Variants in DSC3 observed in about 807,000 individuals in gnomAD.
DSC3 encodes the protein desmocollin 3.
DSC3 carries 97 observed loss-of-function variants against 89.5 expected under a neutral mutation model. The observed-to-expected ratio is 1.08, with a 90% CI of 0.92 to 1.28. DSC3 has a LOEUF of 1.28. Ranked by LOEUF, DSC3 falls within the 50% of genes most tolerant of loss-of-function variation. DSC3 has a pLI of 0.00. For synonymous variants in DSC3, 436 were observed against 384.1 expected (o/e 1.14, Z -1.58); for missense variants, 1,199 against 1,085.3 (o/e 1.10, Z -1.47).
intron 12 of DSC3, 104 bp downstream of exon 12, chr18:31,006,803 G>T: frequency 1.1e-6 from 1 of 893,998 alleles, no homozygotes; most frequent in South Asian, 1.5e-5. Context: ...ATATATTAAT[G>T]AGACTCAGTT....
rs1315710170 is a variant in DSC3, at chr18:31,042,718, C to T, written c.-58G>A. Reference sequence around the variant, plus strand: ...CGCCGGGAGGGTGCCGAGAGCGAGACCTGCCGAGGTGCAGGGCGCGGGAGG... The same window carrying T: ...CGCCGGGAGGGTGCCGAGAGCGAGATCTGCCGAGGTGCAGGGCGCGGGAGG... On this transcript the variant is annotated 5_prime_UTR_variant, in exon 1 of 16. Transcript: ENST00000360428. 60 of 1,492,204 alleles carry T rather than the reference C, an allele frequency of 4.0e-5. No individual in the cohort carries two copies. Among genetic ancestry groups the T allele is most frequent in the Non-Finnish European group, 5.2e-5 (57 of 1,101,528 alleles). The allele number at this position is 1,492,204 out of a possible 1,614,324, so 92.4% of individuals were successfully genotyped here.
intron 5 of DSC3, 62 bp downstream of exon 5, chr18:31,025,698 G>T: frequency 6.6e-7 from 1 of 1,519,586 alleles, no homozygotes; most frequent in Non-Finnish European, 9.1e-7. Flanking sequence ...AGTAGCTGGA[G>T]TAAGCATCAG....
intron 15 of DSC3, among the ~76,000 whole-genome samples, chr18:30,996,495 C>A (rs1364725412): frequency 6.6e-6 from 1 of 151,950 alleles, no homozygotes; most frequent in Non-Finnish European, 1.5e-5. Flanking sequence ...CTTTCACGAT[C>A]TTCTATATCA....
Position 31,038,312 on chromosome 18 carries a change from C to T in DSC3, c.69+4280G>A, listed in dbSNP as rs772631993. 2.5e-4 allele frequency among the ~76,000 whole-genome samples: 38 copies of T among 152,154 alleles called. No homozygotes were observed. The Middle Eastern group carries it at 0.02, about 82-fold the overall frequency. On this transcript the variant is annotated intron_variant, in intron 1 of 15. Transcript: ENST00000360428. The stretch of plus-strand genomic sequence containing the variant: ...TCTGAAAGAAATAACTTATCACAAA[C>T]CTGGGCCTGGTGGATCTAAAGAAGT...
In DSC3 at chr18:31,004,264, A is replaced by T; in HGVS notation, c.1991T>A (p.Leu664Ter). The T allele has an allele frequency of 1.9e-6, 3 of 1,613,740 alleles. No individual in the cohort carries two copies. In the South Asian group the frequency reaches 3.3e-5, roughly 18 times the overall value. ...AGTACATTCACACAGATTAACTCTC[A>T]ATAATTTTGTTGCAGCTTGGCCGGC... ...DRAGQAATKL[L>*]RVNLCECTHP... The change falls in exon 13 of 16, where the codon TTG becomes TAG. Residue 664 changes from leucine (L) to a stop codon, truncating the protein, a stop_gained. Transcript: ENST00000360428. LOFTEE classifies it high-confidence loss of function.
chr18:31,031,018 T>C lies in DSC3; in HGVS notation c.309A>G (p.Lys103=), dbSNP rs1985768327. 1 of 1,614,110 alleles carries C rather than the reference T, an allele frequency of 6.2e-7. No homozygotes were observed. ...SFTIWLSDKR[K]QTQKEVTVLL... Reference sequence around the variant, plus strand: ...GCACAGTAACCTCTTTCTGTGTCTGTTTCCTTTTGTCAGAAAGCCATATGG... The same window carrying C: ...GCACAGTAACCTCTTTCTGTGTCTGCTTCCTTTTGTCAGAAAGCCATATGG... Residue 103 remains lysine (K), a synonymous_variant, in exon 3 of 16, where the codon AAA becomes AAG. Coordinates refer to ENST00000360428, the MANE Select transcript of DSC3 (RefSeq NM_001941.5).
In DSC3 at chr18:30,995,993, A is replaced by AG. The variant is rs1555631954; in HGVS notation, c.2493+797_2493+798insC. 4.2e-5 allele frequency among the ~76,000 whole-genome samples: 6 copies of AG among 142,562 alleles called. 1 individual carries two copies. The highest frequency in any genetic ancestry group is 1.1e-4 in the African/African-American group (4 of 37,154). The allele number at this position is 142,562 out of a possible 152,430, so 93.5% of individuals were successfully genotyped here. ...CCTTAAAAAAAAAAAAAAAAAAAAA[A>AG]AAAAAAGAAAAGAAAGAAAAAAGCT... On this transcript the variant is annotated intron_variant, in intron 15 of 15. Transcript: ENST00000360428.
chr18:31,037,561 T>G (rs981620307), intron 1 of DSC3, among the ~76,000 whole-genome samples: 4 of 152,180 alleles, frequency 2.6e-5, no homozygotes, highest in African/African-American at 9.6e-5. Context: ...CCTTGTAACA[T>G]TCATTCATTC....
At chr18:31,012,980 G>T (rs1033770235) in intron 9 of DSC3, among the ~76,000 whole-genome samples, 8 of 152,048 alleles carry the variant, frequency 5.3e-5, no homozygotes, top group African/African-American at 1.9e-4. Context: ...CTTAGGAGCT[G>T]ATTTGAAAGT....
At chr18:31,022,932 T>C (rs1466350874) in intron 6 of DSC3, among the ~76,000 whole-genome samples, 4 of 152,218 alleles carry the variant, frequency 2.6e-5, no homozygotes, top group Non-Finnish European at 5.9e-5. Context: ...ATAATATAGA[T>C]GATCAAGTTG....
At chr18:31,000,946 G>T (rs1984630515) in intron 14 of DSC3, among the ~76,000 whole-genome samples, 1 of 151,046 alleles carries the variant, frequency 6.6e-6, no homozygotes, top group Non-Finnish European at 1.5e-5. Flanking sequence ...ATCTTTTTGA[G>T]GTAAGAACAT....
At chr18:31,005,522 G>A (rs1456648098) in intron 12 of DSC3, among the ~76,000 whole-genome samples, 2 of 152,262 alleles carry the variant, frequency 1.3e-5, no homozygotes, top group South Asian at 2.1e-4. Flanking sequence ...ACCACCAGAT[G>A]CTACCCTTCC....
At chr18:31,002,529 C>A (rs996460356) in intron 13 of DSC3, among the ~76,000 whole-genome samples, 1 of 151,676 alleles carries the variant, frequency 6.6e-6, no homozygotes, top group Non-Finnish European at 1.5e-5. Flanking sequence ...GGAGAAACCC[C>A]GTCTCTACTA....
chr18:31,018,005 T>G, intron 9 of DSC3, 66 bp downstream of exon 9: 1 of 1,366,628 alleles, frequency 7.3e-7, no homozygotes, highest in Non-Finnish European at 1.0e-6. Flanking sequence ...AACTATTTAG[T>G]TGATTAAATT....
At chr18:30,999,337 C>A in intron 14 of DSC3, among the ~76,000 whole-genome samples, 1 of 151,462 alleles carries the variant, frequency 6.6e-6, no homozygotes. Context: ...GTCGCATTGC[C>A]TTAGAAAAAA....
At chr18:31,002,797 G>A (rs1401373760) in intron 13 of DSC3, among the ~76,000 whole-genome samples, 2 of 151,744 alleles carry the variant, frequency 1.3e-5, no homozygotes, top group Admixed American at 6.6e-5. Context: ...ACACAGTAAA[G>A]CCCATAATTC....
intron 14 of DSC3, among the ~76,000 whole-genome samples, chr18:31,001,092 T>TATATATATATATATAG (rs1984642638): frequency 6.9e-6 from 1 of 145,002 alleles, no homozygotes; most frequent in African/African-American, 2.5e-5. Flanking sequence ...TGTGTGTGTA[T>TATATATATATATATAG]ATATATATAT....
intron 2 of DSC3, among the ~76,000 whole-genome samples, chr18:31,031,902 T>C (rs1271419180): frequency 1.3e-5 from 2 of 152,224 alleles, no homozygotes; most frequent in Admixed American, 6.5e-5. Context: ...AGAAAAGACC[T>C]CTCAAAGGGT....
chr18:31,004,052 A>C, intron 13 of DSC3, 90 bp downstream of exon 13: 1 of 997,034 alleles, frequency 1.0e-6, no homozygotes, highest in Non-Finnish European at 1.5e-6. Context: ...CATCTGATGG[A>C]TGCTTGGACG....
Sources: allele counts gnomAD v4.1 joint callset (sites outside exome capture counted in the v4.1 genomes callset), GRCh38; gene constraint gnomAD v4.1.1; transcripts MANE v1.5; gene names NCBI Gene and HGNC (gene_info 2026-07-23, HGNC 2026-07-21).